Variants in TMEM178B observed in about 807,000 individuals in gnomAD.
The protein encoded by TMEM178B is transmembrane protein 178B.
Under a neutral mutation model 31.0 loss-of-function variants are expected in TMEM178B, and 5 were observed. The observed-to-expected ratio is 0.16, with a 90% CI of 0.08 to 0.34. TMEM178B has a LOEUF of 0.34. Ranked by LOEUF, TMEM178B falls within the 10% of genes least tolerant of loss-of-function variation. The pLI is 1.00. For missense variants in TMEM178B, 275 were observed against 400.3 expected (o/e 0.69, Z 2.67); for synonymous variants, 164 against 164.0 (o/e 1.00, Z 0.00).
intron 1 of TMEM178B, among the ~76,000 whole-genome samples, chr7:141,205,666 G>A (rs1796951028): frequency 6.6e-6 from 1 of 152,226 alleles, no homozygotes; most frequent in South Asian, 2.1e-4. Context: ...CATTTGTTTA[G>A]GGAAGATAAT....
intron 2 of TMEM178B, among the ~76,000 whole-genome samples, chr7:141,301,967 G>A (rs146153365): frequency 2.0e-5 from 3 of 152,254 alleles, no homozygotes; most frequent in Non-Finnish European, 4.4e-5. Context: ...AAAAAGTCTG[G>A]GCAGGTGTGG....
At chr7:141,084,334 A>G (rs930348620) in intron 1 of TMEM178B, among the ~76,000 whole-genome samples, 1 of 152,264 alleles carries the variant, frequency 6.6e-6, no homozygotes, top group Non-Finnish European at 1.5e-5. Context: ...AAATCATTGA[A>G]TGGTGAAGAA....
At chr7:141,456,776 G>A (rs1801971501) in intron 3 of TMEM178B, among the ~76,000 whole-genome samples, 1 of 152,180 alleles carries the variant, frequency 6.6e-6, no homozygotes, top group African/African-American at 2.4e-5. Flanking sequence ...GCTAGAAGAA[G>A]GTGAGAGAAG....
chr7:141,337,029 C>T (rs1247659491), intron 2 of TMEM178B, among the ~76,000 whole-genome samples: 6 of 80,900 alleles, frequency 7.4e-5, no homozygotes, highest in African/African-American at 1.6e-4. Flanking sequence ...ACCACCATCA[C>T]CACCACCACC....
intron 2 of TMEM178B, among the ~76,000 whole-genome samples, chr7:141,251,718 A>G (rs896412908): frequency 6.6e-6 from 1 of 152,192 alleles, no homozygotes; most frequent in African/African-American, 2.4e-5. Context: ...TGTACCTATT[A>G]CAGTGTGCCC....
At chr7:141,219,332 A>G (rs730320) in intron 2 of TMEM178B, among the ~76,000 whole-genome samples, 149 of 152,284 alleles carry the variant, frequency 9.8e-4, no homozygotes, top group Non-Finnish European at 1.8e-3. Flanking sequence ...CTAATGAGGT[A>G]AACATCCCAG....
intron 3 of TMEM178B, among the ~76,000 whole-genome samples, chr7:141,464,330 C>T (rs1239721716): frequency 3.3e-5 from 5 of 151,936 alleles, no homozygotes; most frequent in African/African-American, 1.2e-4. Flanking sequence ...ATTTATGACT[C>T]ACGCTCTTCC....
chr7:141,084,516 T>A (rs1279593807), intron 1 of TMEM178B, among the ~76,000 whole-genome samples: 1 of 152,116 alleles, frequency 6.6e-6, no homozygotes, highest in Non-Finnish European at 1.5e-5. Flanking sequence ...CTATGGGAGA[T>A]TTCTGTGCTG....
At chr7:141,382,028 C>T (rs55853654) in intron 2 of TMEM178B, among the ~76,000 whole-genome samples, 2,686 of 152,314 alleles carry the variant, frequency 0.018, 30 homozygotes, top group Non-Finnish European at 0.026. Context: ...CTTGCCCCAA[C>T]AGGGCTGGAT....
At chr7:141,372,306 C>T (rs1458374453) in intron 2 of TMEM178B, among the ~76,000 whole-genome samples, 1 of 152,136 alleles carries the variant, frequency 6.6e-6, no homozygotes, top group Non-Finnish European at 1.5e-5. Flanking sequence ...ATCCACCATC[C>T]TCTCCTCGCT....
chr7:141,486,714 A>G, the TMEM178B span, among the ~76,000 whole-genome samples: 5 of 152,210 alleles, frequency 3.3e-5, no homozygotes, highest in Non-Finnish European at 7.3e-5. Flanking sequence ...TTTTAAGCAC[A>G]TATTTTGTGT....
intron 1 of TMEM178B, among the ~76,000 whole-genome samples, chr7:141,137,476 T>C (rs1172483468): frequency 2.0e-5 from 3 of 152,114 alleles, no homozygotes; most frequent in Non-Finnish European, 4.4e-5. Flanking sequence ...AAGACAAATA[T>C]CACATGTTCT....
chr7:141,331,330 A>G (rs1411230502), intron 2 of TMEM178B, among the ~76,000 whole-genome samples: 1 of 152,230 alleles, frequency 6.6e-6, no homozygotes, highest in Non-Finnish European at 1.5e-5. Flanking sequence ...AAAGGTGATC[A>G]GGGACGAGCA....
At chr7:141,356,481 G>A (rs1326532458) in intron 2 of TMEM178B, among the ~76,000 whole-genome samples, 2 of 151,938 alleles carry the variant, frequency 1.3e-5, no homozygotes, top group African/African-American at 2.4e-5. Flanking sequence ...GCAGTGTGGA[G>A]CATTTTTTCA....
rs896038598 is a variant in TMEM178B at position 141,448,648 on chromosome 7, G to C, written c.634+10903G>C. Among the ~76,000 whole-genome samples the C allele has an allele frequency of 3.3e-5, 5 of 152,266 alleles. No individual in the cohort carries two copies. The East Asian group carries it at 9.7e-4, about 29-fold the overall frequency. ...GGTTCTCAGTGTCCAGACTGAGGGT[G>C]GGGGAGACGATTTGAGTTCTCACTT... On this transcript the variant is annotated intron_variant, in intron 3 of 3. Coordinates refer to ENST00000565468, the MANE Select transcript of TMEM178B (RefSeq NM_001195278.2).
intron 2 of TMEM178B, among the ~76,000 whole-genome samples, chr7:141,418,189 C>T (rs1324395182): frequency 6.6e-6 from 1 of 152,186 alleles, no homozygotes; most frequent in Non-Finnish European, 1.5e-5. Flanking sequence ...TCCTCCCTGA[C>T]TCTGTGTTCC....
chr7:141,187,138 G>A (rs1414662761), intron 1 of TMEM178B, among the ~76,000 whole-genome samples: 9 of 124,056 alleles, frequency 7.3e-5, no homozygotes, highest in African/African-American at 2.3e-4. Flanking sequence ...TCCCCTTCCT[G>A]TGTCCATGTG....
At chr7:141,510,582 G>A in the TMEM178B span, among the ~76,000 whole-genome samples, 8 of 145,298 alleles carry the variant, frequency 5.5e-5, no homozygotes, top group Admixed American at 4.3e-4. Flanking sequence ...CTACTCAGGA[G>A]ACTGAGGCAG....
chr7:141,243,915 C>A (rs17162006), intron 2 of TMEM178B, among the ~76,000 whole-genome samples: 165 of 152,272 alleles, frequency 1.1e-3, no homozygotes, highest in African/African-American at 3.5e-3. Flanking sequence ...CCACTGAATA[C>A]CCCTGTGTAC....
Sources: allele counts gnomAD v4.1 joint callset (sites outside exome capture counted in the v4.1 genomes callset), GRCh38; gene constraint gnomAD v4.1.1; transcripts MANE v1.5; gene names NCBI Gene and HGNC (gene_info 2026-07-23, HGNC 2026-07-21).